The following NAV2 variants were observed in gnomAD, a reference collection of about 807,000 sequenced individuals.
NAV2 encodes helicase, APC down-regulated 1.
In NAV2, 54 loss-of-function variants were observed where a neutral mutation model predicts 223.2. That is an observed-to-expected ratio of 0.24 (90% CI 0.19 to 0.30). The LOEUF (loss-of-function observed/expected upper bound fraction) is 0.30. NAV2 is among the 10% of genes least tolerant of loss of function. The pLI is 1.00. For missense variants in NAV2, 2,806 were observed against 3,147.5 expected, an observed-to-expected ratio of 0.89 and a Z score of 2.60; for synonymous variants, 1,279 against 1,239.3, an observed-to-expected ratio of 1.03 and a Z score of -0.67.
At chr11:19,629,938 C>G (rs1268289817) in intron 1 of NAV2, among the ~76,000 whole-genome samples, 10 of 152,158 alleles carry the variant, frequency 6.6e-5, no homozygotes, top group African/African-American at 2.4e-4. Context: ...TATAATAATC[C>G]TCATAAGCTG....
At chr11:19,895,400 C>T (rs1352759201) in intron 6 of NAV2, among the ~76,000 whole-genome samples, 1 of 152,116 alleles carries the variant, frequency 6.6e-6, no homozygotes, top group Non-Finnish European at 1.5e-5. Flanking sequence ...GGTACCTGAT[C>T]TTTACAAATA....
intron 25 of NAV2, among the ~76,000 whole-genome samples, chr11:20,080,424 A>AT (rs2060019637): frequency 1.3e-5 from 2 of 152,038 alleles, no homozygotes; most frequent in Non-Finnish European, 2.9e-5. Flanking sequence ...ACCACTTTGT[A>AT]TTTTTTTCTC....
At chr11:20,108,079 G>T (rs891850065) in intron 36 of NAV2, among the ~76,000 whole-genome samples, 1 of 152,218 alleles carries the variant, frequency 6.6e-6, no homozygotes, top group African/African-American at 2.4e-5. Context: ...GCTCAGCATC[G>T]TGAGTGCCTG....
At chr11:19,407,091 ATGTG>A (rs1849929246) in intron 1 of NAV2, among the ~76,000 whole-genome samples, 1 of 152,192 alleles carries the variant, frequency 6.6e-6, no homozygotes, top group Non-Finnish European at 1.5e-5. Flanking sequence ...ACTTGGCAGG[ATGTG>A]TGTGTGGCCC....
chr11:19,396,925 G>C (rs1849472569), intron 1 of NAV2, among the ~76,000 whole-genome samples: 1 of 152,212 alleles, frequency 6.6e-6, no homozygotes, highest in Non-Finnish European at 1.5e-5. Flanking sequence ...CCCTTAAAGT[G>C]AGGCTCATGT....
chr11:19,463,195 G>A (rs984581118), intron 1 of NAV2, among the ~76,000 whole-genome samples: 3 of 152,218 alleles, frequency 2.0e-5, no homozygotes, highest in Non-Finnish European at 4.4e-5. Context: ...AAAGCAGCAT[G>A]GTGTTAGCTT....
intron 1 of NAV2, among the ~76,000 whole-genome samples, chr11:19,493,423 A>T (rs1046495603): frequency 2.0e-5 from 3 of 152,228 alleles, no homozygotes; most frequent in Non-Finnish European, 4.4e-5. Context: ...GGTGAATTTT[A>T]GTAATTTTCC....
intron 1 of NAV2, chr11:19,504,170 T>C (rs1395115317): frequency 6.6e-6 from 1 of 152,218 alleles, no homozygotes; most frequent in Non-Finnish European, 1.5e-5. Flanking sequence ...CACGAAATGC[T>C]GGTGAGGATG....
At chr11:19,904,989 T>C (rs138954710) in intron 6 of NAV2, among the ~76,000 whole-genome samples, 431 of 152,318 alleles carry the variant, frequency 2.8e-3, no homozygotes, top group African/African-American at 0.01. Context: ...ACCTCAGTAA[T>C]TTCACACATA....
rs1302615898 is a variant in NAV2, at chr11:20,107,793, A to AC, written c.6960+15dup. The AC allele has an allele frequency of 7.6e-6, 12 of 1,577,002 alleles. No individual in the cohort carries two copies. Among genetic ancestry groups the AC allele is most frequent in the Non-Finnish European group, 9.6e-6 (11 of 1,146,664 alleles). On this transcript the variant is annotated intron_variant, in intron 36 of 37. Transcript: ENST00000349880. Reference sequence around the variant, plus strand: ...AGAGAAGGACTCCAGGTGAGAAGACACCCCTGCTGGCTTCCTTGAAGCTGA... The same window carrying AC: ...AGAGAAGGACTCCAGGTGAGAAGACACCCCCTGCTGGCTTCCTTGAAGCTGA...
At chr11:19,588,420 A>T (rs1224526457) in intron 1 of NAV2, among the ~76,000 whole-genome samples, 3 of 152,230 alleles carry the variant, frequency 2.0e-5, no homozygotes, top group Non-Finnish European at 2.9e-5. Flanking sequence ...CCAGCTTGTG[A>T]GCCAACCCAC....
At chr11:19,702,692 T>C (rs2049541107) in intron 1 of NAV2, among the ~76,000 whole-genome samples, 2 of 151,888 alleles carry the variant, frequency 1.3e-5, no homozygotes, top group South Asian at 4.2e-4. Flanking sequence ...GCAGGAGAAT[T>C]GCTTGAGTCC....
At chr11:19,479,061 G>C (rs971732696) in intron 1 of NAV2, among the ~76,000 whole-genome samples, 2 of 152,140 alleles carry the variant, frequency 1.3e-5, no homozygotes, top group Non-Finnish European at 2.9e-5. Context: ...AGCTGGGTGG[G>C]GTTGAGTCTG....
At chr11:19,606,640 T>C (rs1215698378) in intron 1 of NAV2, among the ~76,000 whole-genome samples, 1 of 152,148 alleles carries the variant, frequency 6.6e-6, no homozygotes, top group Non-Finnish European at 1.5e-5. Context: ...TATTCCCTGT[T>C]AATTCTTCAA....
rs1033387613 is a variant in NAV2, at chr11:19,839,378, G to A, written c.386-3493G>A. ...GAAAAGGGGATAAGAGTTGAGAGAG[G>A]AAGGAAAAGATGAACAAAGGAGGAC... is the stretch of plus-strand genomic sequence containing the variant. On this transcript the variant is annotated intron_variant, in intron 2 of 37. Coordinates refer to ENST00000349880, the MANE Select transcript of NAV2 (RefSeq NM_145117.5). Among the ~76,000 whole-genome samples, 7 of 152,098 alleles carry A rather than the reference G, an allele frequency of 4.6e-5. 1 individual carries two copies. Among genetic ancestry groups the A allele is most frequent in the Admixed American group, 2.0e-4 (3 of 15,270 alleles).
chr11:19,462,211 G>A (rs1852192102), intron 1 of NAV2, among the ~76,000 whole-genome samples: 2 of 152,176 alleles, frequency 1.3e-5, no homozygotes, highest in South Asian at 2.1e-4. Context: ...CACCTGAAGG[G>A]CCTATTAAAA....
At chr11:20,100,729 C>T (rs2061582543) in intron 31 of NAV2, among the ~76,000 whole-genome samples, 1 of 152,088 alleles carries the variant, frequency 6.6e-6, no homozygotes, top group Admixed American at 6.6e-5. Context: ...GAGACAGAAG[C>T]ACATGGCGTT....
intron 1 of NAV2, among the ~76,000 whole-genome samples, chr11:19,581,207 T>C (rs2045706107): frequency 6.6e-6 from 1 of 152,204 alleles, no homozygotes; most frequent in Non-Finnish European, 1.5e-5. Context: ...TCTTCCTGCA[T>C]GTGACTTGGT....
At chr11:19,551,135 C>T (rs1014428935) in intron 1 of NAV2, among the ~76,000 whole-genome samples, 1 of 152,274 alleles carries the variant, frequency 6.6e-6, no homozygotes, top group African/African-American at 2.4e-5. Flanking sequence ...TGCATGCTGT[C>T]CTGGGGGAAG....
Sources: allele counts gnomAD v4.1 joint callset (sites outside exome capture counted in the v4.1 genomes callset), GRCh38; gene constraint gnomAD v4.1.1; transcripts MANE v1.5; gene names NCBI Gene and HGNC (gene_info 2026-07-23, HGNC 2026-07-21).